Variants in CACNA1C observed in about 807,000 individuals in gnomAD.
CACNA1C encodes the protein calcium voltage-gated channel subunit alpha1 C, also known as voltage-dependent L-type calcium channel subunit alpha-1C.
Under a neutral mutation model 229.0 loss-of-function variants are expected in CACNA1C, and 30 were observed. The ratio of observed to expected loss-of-function variants is 0.13; its 90% CI spans 0.10 to 0.18. The LOEUF is 0.18. Among genes scored for constraint, CACNA1C ranks in the 10% least tolerant of loss-of-function variants. The pLI is 1.00. For missense variants in CACNA1C, 1,658 were observed against 2,845.0 expected (o/e 0.58, Z 9.49); for synonymous variants, 1,114 against 1,132.5 (o/e 0.98, Z 0.33).
At chr12:2,323,655 C>G (rs1025689168) in intron 3 of CACNA1C, among the ~76,000 whole-genome samples, 3 of 152,190 alleles carry the variant, frequency 2.0e-5, no homozygotes, top group Admixed American at 6.5e-5. Flanking sequence ...CCATCCCTGC[C>G]CAGTGACAGC....
At chr12:2,327,786 C>T (rs2096385128) in intron 3 of CACNA1C, among the ~76,000 whole-genome samples, 1 of 152,178 alleles carries the variant, frequency 6.6e-6, no homozygotes, top group South Asian at 2.1e-4. Flanking sequence ...ATTCAGTTAC[C>T]TCATTATAGG....
At chr12:2,245,859 A>G (rs1049141041) in intron 3 of CACNA1C, among the ~76,000 whole-genome samples, 8 of 152,158 alleles carry the variant, frequency 5.3e-5, no homozygotes, top group East Asian at 1.9e-4. Context: ...GCTATTACAT[A>G]CAGTAGATAT....
chr12:2,389,935 G>C (rs1354807790), intron 3 of CACNA1C, among the ~76,000 whole-genome samples: 1 of 152,158 alleles, frequency 6.6e-6, no homozygotes, highest in Admixed American at 6.5e-5. Flanking sequence ...GAGTGCACAG[G>C]AGGCTGCCTG....
chr12:2,426,333 A>G (rs556001718), intron 3 of CACNA1C, among the ~76,000 whole-genome samples: 6 of 152,332 alleles, frequency 3.9e-5, no homozygotes, highest in African/African-American at 1.4e-4. Flanking sequence ...TGTGTGAGAG[A>G]TGCCACAAGG....
At chr12:2,314,519 A>G (rs549423200) in intron 3 of CACNA1C, among the ~76,000 whole-genome samples, 30 of 152,272 alleles carry the variant, frequency 2.0e-4, no homozygotes, top group African/African-American at 7.0e-4. Flanking sequence ...TCCCTTCCCC[A>G]GGAACCACTG....
At chr12:2,043,704 G>A (rs1414090125) in intron 1 of CACNA1C, among the ~76,000 whole-genome samples, 5 of 138,738 alleles carry the variant, frequency 3.6e-5, no homozygotes, top group African/African-American at 1.1e-4. Flanking sequence ...GCCGGACTGC[G>A]GACTGCAGTG....
intron 3 of CACNA1C, among the ~76,000 whole-genome samples, chr12:2,272,379 A>ATGCTCTGCCTCCTGCC (rs1235087725): frequency 1.3e-5 from 2 of 152,020 alleles, no homozygotes; most frequent in Non-Finnish European, 2.9e-5. Flanking sequence ...GTGGATCACC[A>ATGCTCTGCCTCCTGCC]TCCTCTGCCT....
At chr12:2,094,292 A>G (rs1017694703) in intron 1 of CACNA1C, among the ~76,000 whole-genome samples, 3 of 152,184 alleles carry the variant, frequency 2.0e-5, no homozygotes, top group Non-Finnish European at 4.4e-5. Context: ...GACAGTGCAC[A>G]TCCCATGCTC....
In CACNA1C at chr12:2,381,977, C is replaced by T. The variant is rs529266168; in HGVS notation, c.478-66999C>T. 4.6e-5 allele frequency among the ~76,000 whole-genome samples: 7 copies of T among 152,314 alleles called. No individual in the cohort carries two copies. The South Asian group carries it at 1.5e-3, about 32-fold the overall frequency. On this transcript the variant is annotated intron_variant, in intron 3 of 46. Coordinates refer to ENST00000399655, the MANE Select transcript of CACNA1C (RefSeq NM_000719.7). ...ACAATCAGAGGGCCCTCCTTCAAAG[C>T]AAGTGCTGCCTCCAGCCTGGGGCAG...
intron 3 of CACNA1C, among the ~76,000 whole-genome samples, chr12:2,150,540 C>A (rs2095149711): frequency 6.6e-6 from 1 of 152,180 alleles, no homozygotes; most frequent in South Asian, 2.1e-4. Context: ...GGCTACAGAG[C>A]AGCTTTGATA....
intron 29 of CACNA1C, among the ~76,000 whole-genome samples, chr12:2,615,822 G>C (rs760031711): frequency 1.3e-5 from 2 of 151,690 alleles, no homozygotes; most frequent in Non-Finnish European, 2.9e-5. Context: ...CAAGGGTACT[G>C]GGGGGGAGGA....
At chr12:2,178,592 C>T (rs1038745534) in intron 3 of CACNA1C, among the ~76,000 whole-genome samples, 3 of 152,180 alleles carry the variant, frequency 2.0e-5, no homozygotes, top group African/African-American at 7.2e-5. Context: ...AGGCTGTGAA[C>T]ACCTCTCTGC....
rs370061081 is a variant in CACNA1C, at chr12:2,124,869, G to A, written c.477+4439G>A. 5.9e-5 allele frequency among the ~76,000 whole-genome samples: 9 copies of A among 152,280 alleles called. No individual in the cohort carries two copies. The East Asian group carries it at 1.5e-3, about 26-fold the overall frequency. ...TAGGGATTGTCAAGTGGAGGAGCCC[G>A]TGGAGCGTGAGGCTGGGGATGTCCT... is the stretch of plus-strand genomic sequence containing the variant. On this transcript the variant is annotated intron_variant, in intron 3 of 46. Coordinates refer to ENST00000399655, the MANE Select transcript of CACNA1C (RefSeq NM_000719.7).
chr12:2,056,186 AGTGTGTGTGAGTGT>A (rs2054685412), intron 1 of CACNA1C, among the ~76,000 whole-genome samples: 3 of 103,480 alleles, frequency 2.9e-5, no homozygotes, highest in Non-Finnish European at 5.8e-5. Context: ...TGCATGTGTG[AGTGTGTGTGAGTGT>A]GTGTGTGTGT....
At chr12:2,031,185 C>G (rs948039599) in intron 1 of CACNA1C, among the ~76,000 whole-genome samples, 10 of 152,294 alleles carry the variant, frequency 6.6e-5, no homozygotes, top group African/African-American at 2.4e-4. Flanking sequence ...TCTTGCCTAC[C>G]AGGCAGACCC....
intron 3 of CACNA1C, among the ~76,000 whole-genome samples, chr12:2,260,849 A>G (rs1211920707): frequency 2.6e-5 from 4 of 152,204 alleles, no homozygotes; most frequent in East Asian, 1.9e-4. Flanking sequence ...TATATTCTCA[A>G]TAACTACTGA....
chr12:2,140,883 A>G (rs2094110355), intron 3 of CACNA1C, among the ~76,000 whole-genome samples: 1 of 151,398 alleles, frequency 6.6e-6, no homozygotes, highest in Non-Finnish European at 1.5e-5. Flanking sequence ...AACTTCATAC[A>G]CACCATGCTT....
chr12:2,635,176 CCT>C (rs2092319929), intron 30 of CACNA1C, among the ~76,000 whole-genome samples: 3 of 152,140 alleles, frequency 2.0e-5, no homozygotes, highest in Admixed American at 6.5e-5. Context: ...CGACCCCTGA[CCT>C]CTCACACCCC....
At chr12:2,482,097 A>G (rs1021896523) in intron 5 of CACNA1C, among the ~76,000 whole-genome samples, 4 of 152,238 alleles carry the variant, frequency 2.6e-5, no homozygotes, top group Non-Finnish European at 2.9e-5. Flanking sequence ...CAAACTCTAC[A>G]TGGCAGGGTA....
Sources: allele counts gnomAD v4.1 joint callset (sites outside exome capture counted in the v4.1 genomes callset), GRCh38; gene constraint gnomAD v4.1.1; transcripts MANE v1.5; gene names NCBI Gene and HGNC (gene_info 2026-07-23, HGNC 2026-07-21).